ATG5: variants seen among roughly 807,000 people sequenced by gnomAD.
The protein encoded by ATG5 is autophagy protein 5.
In ATG5, 14 loss-of-function variants were observed where a neutral mutation model predicts 36.5. That is an observed-to-expected ratio of 0.38 (90% confidence interval 0.25 to 0.60). The LOEUF is 0.60. ATG5 is among the 20% of genes least tolerant of loss of function. The probability of loss-of-function intolerance (pLI) is 0.60; values close to 1 mark genes in which losing one functional copy is unlikely to be tolerated. For missense variants in ATG5, 195 were observed against 326.7 expected, an observed-to-expected ratio of 0.60 and a Z score of 3.11; for synonymous variants, 95 against 101.5, an observed-to-expected ratio of 0.94 and a Z score of 0.38.
intron 5 of ATG5, among the ~76,000 whole-genome samples, chr6:106,274,920 A>T (rs891919874): frequency 1.3e-5 from 2 of 152,214 alleles, no homozygotes; most frequent in African/African-American, 4.8e-5. Flanking sequence ...AGAGAAAAAA[A>T]TGCCTAAATG....
At chr6:106,323,013 G>A (rs1208671869) in intron 1 of ATG5, among the ~76,000 whole-genome samples, 2 of 151,856 alleles carry the variant, frequency 1.3e-5, no homozygotes, top group Non-Finnish European at 2.9e-5. Context: ...TCTGCCTCCC[G>A]GGTTCATGCC....
At chr6:106,228,613 T>C (rs1186895114) in intron 6 of ATG5, among the ~76,000 whole-genome samples, 1 of 152,100 alleles carries the variant, frequency 6.6e-6, no homozygotes, top group African/African-American at 2.4e-5. Flanking sequence ...TCTTCGGAGT[T>C]CTGGGAGCAA....
At chr6:106,238,296 T>C (rs573290652) in intron 6 of ATG5, among the ~76,000 whole-genome samples, 1 of 152,306 alleles carries the variant, frequency 6.6e-6, no homozygotes, top group East Asian at 1.9e-4. Flanking sequence ...AATCATACTT[T>C]TAAGCACAGA....
At chr6:106,251,028 G>A (rs909611319) in intron 5 of ATG5, among the ~76,000 whole-genome samples, 5 of 152,224 alleles carry the variant, frequency 3.3e-5, no homozygotes, top group African/African-American at 1.2e-4. Flanking sequence ...GCCTGGCCCA[G>A]GGTTAACCAG....
At chr6:106,257,819 T>C (rs1170596670) in intron 5 of ATG5, among the ~76,000 whole-genome samples, 1 of 152,206 alleles carries the variant, frequency 6.6e-6, no homozygotes, top group Non-Finnish European at 1.5e-5. Flanking sequence ...AAACAGTTCA[T>C]ATTGTGAATC....
intron 3 of ATG5, chr6:106,304,079 A>T (rs1770329209): frequency 1.3e-5 from 2 of 152,104 alleles, no homozygotes; most frequent in South Asian, 4.1e-4. Flanking sequence ...ACCCCAAAGG[A>T]TCTACCAAAA....
chr6:106,293,359 C>A (rs942459977), intron 3 of ATG5, among the ~76,000 whole-genome samples: 1 of 152,174 alleles, frequency 6.6e-6, no homozygotes, highest in African/African-American at 2.4e-5. Context: ...CAAAGGCATT[C>A]TTTATCAGCC....
chr6:106,297,572 A>C (rs1424512344), intron 3 of ATG5, among the ~76,000 whole-genome samples: 1 of 152,164 alleles, frequency 6.6e-6, no homozygotes, highest in Non-Finnish European at 1.5e-5. Context: ...GGGGATGTTG[A>C]CCATTTTAGA....
Position 106,184,986 on chromosome 6 carries a change from T to A in ATG5, c.*1554A>T, listed in dbSNP as rs1775712874. On this transcript the variant is annotated 3_prime_UTR_variant, in exon 8 of 8. Transcript: ENST00000369076. The stretch of plus-strand genomic sequence containing the variant: ...TCCTTACATAACTCAAATATTGCTA[T>A]TTTTTTCCTGCCTTTACTAAAATGG... The A allele has an allele frequency of 1.3e-5, 2 of 152,284 alleles. No individual in the cohort carries two copies. The highest frequency in any genetic ancestry group is 4.8e-5 in the African/African-American group (2 of 41,446). 9.4% of individuals were successfully genotyped at this position (152,284 alleles called of 1,614,324 possible).
intron 2 of ATG5, among the ~76,000 whole-genome samples, chr6:106,314,749 A>G (rs1770776664): frequency 6.6e-6 from 1 of 152,182 alleles, no homozygotes; most frequent in Non-Finnish European, 1.5e-5. Context: ...ATCCTAACCT[A>G]TATTACAGAA....
At chr6:106,271,018 T>C (rs190417765) in intron 5 of ATG5, among the ~76,000 whole-genome samples, 26 of 152,358 alleles carry the variant, frequency 1.7e-4, no homozygotes, top group African/African-American at 6.0e-4. Flanking sequence ...GCCACTTTCA[T>C]TCTGGACTCC....
chr6:106,251,648 G>GGGGAGA (rs1778582458), intron 5 of ATG5, among the ~76,000 whole-genome samples: 1 of 252 alleles, frequency 4.0e-3, no homozygotes, highest in African/African-American at 0.024. Context: ...AGAGAGAGAG[G>GGGGAGA]GAGGGAGGGA....
At chr6:106,280,049 A>G (rs1032898355) in intron 4 of ATG5, among the ~76,000 whole-genome samples, 1 of 152,132 alleles carries the variant, frequency 6.6e-6, no homozygotes, top group African/African-American at 2.4e-5. Flanking sequence ...ACATGAAAAA[A>G]AGGCATCAAA....
At chr6:106,246,152 A>C (rs1325990364) in intron 6 of ATG5, among the ~76,000 whole-genome samples, 1 of 152,198 alleles carries the variant, frequency 6.6e-6, no homozygotes, top group Non-Finnish European at 1.5e-5. Context: ...AAAGTTATGT[A>C]GGTCAAATGA....
chr6:106,297,717 AACACACACACAC>A (rs56336702), intron 3 of ATG5, among the ~76,000 whole-genome samples: 2,007 of 135,496 alleles, frequency 0.015, 34 homozygotes, highest in African/African-American at 0.039. Flanking sequence ...AAATGACTTA[AACACACACACAC>A]ACACACACAC....
At chr6:106,192,485 G>C (rs576820580) in intron 7 of ATG5, among the ~76,000 whole-genome samples, 2 of 152,258 alleles carry the variant, frequency 1.3e-5, no homozygotes, top group South Asian at 4.1e-4. Flanking sequence ...TGAGATGCTT[G>C]AGTTTCCTTC....
At chr6:106,266,414 G>C (rs1304675975) in intron 5 of ATG5, among the ~76,000 whole-genome samples, 1 of 152,102 alleles carries the variant, frequency 6.6e-6, no homozygotes, top group African/African-American at 2.4e-5. Flanking sequence ...TCTACCACAG[G>C]TACAAAGAGG....
At chr6:106,222,625 A>G (rs1395442739) in intron 6 of ATG5, among the ~76,000 whole-genome samples, 1 of 152,226 alleles carries the variant, frequency 6.6e-6, no homozygotes, top group Non-Finnish European at 1.5e-5. Flanking sequence ...AAAAGTTATG[A>G]CAGAAGAGGC....
chr6:106,273,539 T>C (rs1215893412), intron 5 of ATG5, among the ~76,000 whole-genome samples: 2 of 152,114 alleles, frequency 1.3e-5, no homozygotes, highest in African/African-American at 4.8e-5. Flanking sequence ...ACCTTCGTAT[T>C]TGTAATAAAA....
Sources: gnomAD v4.1 joint callset for allele counts (sites outside exome capture counted in the v4.1 genomes callset) on GRCh38, gnomAD v4.1.1 for gene constraint, MANE v1.5 for transcripts, NCBI Gene and HGNC (gene_info 2026-07-23, HGNC 2026-07-21) for gene names.